Variants in EXOSC6 observed in about 807,000 individuals in gnomAD.
EXOSC6 encodes the protein exosome component 6.
EXOSC6 carries 21 observed loss-of-function variants against 16.7 expected under a neutral mutation model. The ratio of observed to expected loss-of-function variants is 1.26; its 90% CI spans 0.89 to 1.82. The LOEUF (loss-of-function observed/expected upper bound fraction) is 1.82, where lower values mean the gene tolerates loss of function less well. Ranked by LOEUF, EXOSC6 falls within the 40% of genes most tolerant of loss-of-function variation. The pLI is 0.00. For synonymous variants in EXOSC6, 297 were observed against 217.1 expected (o/e 1.37, Z -3.24); for missense variants, 538 against 415.7 (o/e 1.29, Z -2.56).
rs1462692624 is a variant in EXOSC6 at position 70,250,115 on chromosome 16, G to A, written c.*967C>T. The A allele has an allele frequency of 2.1e-5, 3 of 140,700 alleles. No homozygotes were observed. Among genetic ancestry groups the A allele is most frequent in the African/African-American group, 7.3e-5 (3 of 41,144 alleles). The allele number at this position is 140,700 out of a possible 1,614,324, so 8.7% of individuals were successfully genotyped here. On this transcript the variant is annotated 3_prime_UTR_variant, in exon 1 of 1. Coordinates refer to ENST00000435634, the MANE Select transcript of EXOSC6 (RefSeq NM_058219.3). ...AGAACCAAATAAAAGCCTTCCACTA[G>A]AAACTAAAAATAATAATAATAATAA...
In EXOSC6 at chr16:70,246,931, T is replaced by TCA. The variant is rs1030754738; in HGVS notation, c.*4149_*4150dup. The stretch of plus-strand genomic sequence containing the variant: ...GTTTTCCATCTGATTCCTCAGTTCC[T>TCA]CACACACACAACCATCCCCCTCACC... On this transcript the variant is annotated 3_prime_UTR_variant, in exon 1 of 1. Transcript: ENST00000435634. 9 of 563,070 alleles carry TCA rather than the reference T, an allele frequency of 1.6e-5. No homozygotes were observed. The highest frequency in any genetic ancestry group is 2.7e-5 in the Non-Finnish European group (8 of 293,780). The allele number at this position is 563,070 out of a possible 1,614,324, so 34.9% of individuals were successfully genotyped here. A position where few individuals can be genotyped will look rare whatever the true frequency, so the allele number is the denominator to read the frequency against.
chr16:70,251,704 A>C lies in EXOSC6; in HGVS notation c.197T>G (p.Val66Gly). ...EAGGTKVLCA[V>G]SGPRQAEGGE... ...GCCCTCGGCCTGTCGCGGGCCCGAC[A>C]CGGCACACAGCACCTTGGTGCCTCC... is the stretch of plus-strand genomic sequence containing the variant. Residue 66 changes from valine (V) to glycine (G), a missense_variant, in exon 1 of 1, where the codon GTG (valine) becomes GGG (glycine). By Grantham distance (109) the Val-to-Gly change is moderately radical. Coordinates refer to ENST00000435634, the MANE Select transcript of EXOSC6 (RefSeq NM_058219.3). The C allele has an allele frequency of 2.3e-6, 3 of 1,320,590 alleles. No individual in the cohort carries two copies. Among genetic ancestry groups the C allele is most frequent in the Non-Finnish European group, 2.9e-6 (3 of 1,040,240 alleles). The allele number at this position is 1,320,590 out of a possible 1,614,324, so 81.8% of individuals were successfully genotyped here.
chr16:70,251,916 G>A lies in EXOSC6; in HGVS notation c.-16C>T. 6.7e-7 allele frequency: 1 copy of A among 1,498,106 alleles called. No homozygotes were observed. Among genetic ancestry groups the A allele is most frequent in the Non-Finnish European group, 8.8e-7 (1 of 1,134,532 alleles). 92.8% of individuals were successfully genotyped at this position (1,498,106 alleles called of 1,614,324 possible). ...CCCCAGGCATGGCGGTTCTTGGCGT[G>A]CGAACCCCTTCCGCCCAACGCCCTG... On this transcript the variant is annotated 5_prime_UTR_variant, in exon 1 of 1. Coordinates refer to ENST00000435634, the MANE Select transcript of EXOSC6 (RefSeq NM_058219.3).
Position 70,250,466 on chromosome 16 carries a change from C to G in EXOSC6, c.*616G>C, listed in dbSNP as rs991590045. On this transcript the variant is annotated 3_prime_UTR_variant, in exon 1 of 1. Transcript: ENST00000435634. ...GGTGGATCACCTGAGGTCAGGCATT[C>G]GAGAACAGCCTGGCCCACATGGCGA... 1 of 149,324 alleles carries G rather than the reference C, an allele frequency of 6.7e-6. No homozygotes were observed. Among genetic ancestry groups the G allele is most frequent in the African/African-American group, 2.5e-5 (1 of 40,416 alleles). The allele number at this position is 149,324 out of a possible 1,614,324, so 9.2% of individuals were successfully genotyped here.
rs1371412230 is a variant in EXOSC6, at chr16:70,251,250, A to C, written c.651T>G (p.Pro217=). 1 of 1,482,978 alleles carries C rather than the reference A, an allele frequency of 6.7e-7. No individual in the cohort carries two copies. 91.9% of individuals were successfully genotyped at this position (1,482,978 alleles called of 1,614,324 possible). The change falls in exon 1 of 1, where the codon CCT becomes CCG. Residue 217 remains proline, a synonymous_variant. Coordinates refer to ENST00000435634, the MANE Select transcript of EXOSC6 (RefSeq NM_058219.3). ...AAAGLTVALM[P]VLNQVAGLLG... is the part of the protein sequence containing the mutation. ...GCAGCCCGGCCACCTGATTCAGCAC[A>C]GGCATGAGCGCCACGGTGAGGCCGG...
In EXOSC6 at chr16:70,251,868, A is replaced by G. The variant is rs569157236; in HGVS notation, c.33T>C (p.Pro11=). The G allele has an allele frequency of 3.9e-6, 6 of 1,550,680 alleles. No individual in the cohort carries two copies. The highest frequency in any genetic ancestry group is 3.7e-5 in the Admixed American group (2 of 54,340). ...ACAGCTGCGGCGGCTGCGATTCTTC[A>G]GGGCCGCGGATGCGGCGGTGATCCC... The part of the protein sequence containing the change: MPGDHRRIRG[P]EESQPPQLYA... The change falls in exon 1 of 1, where the codon CCT becomes CCC. Residue 11 remains proline, a synonymous_variant. Transcript: ENST00000435634.
In EXOSC6 at chr16:70,250,996, A is replaced by C; in HGVS notation, c.*86T>G. The C allele has an allele frequency of 2.1e-6, 3 of 1,405,880 alleles. No homozygotes were observed. Among genetic ancestry groups the C allele is most frequent in the Middle Eastern group, 2.7e-4 (1 of 3,700 alleles). The allele number at this position is 1,405,880 out of a possible 1,614,324, so 87.1% of individuals were successfully genotyped here. On this transcript the variant is annotated 3_prime_UTR_variant, in exon 1 of 1. Transcript: ENST00000435634. ...GGGCCCTTCCAGGAATTCTCGACGC[A>C]AACTGGAGGCCGATGGCGCGGGTCT...
rs969186074 is a variant in EXOSC6 at position 70,247,937 on chromosome 16, C to T, written c.*3145G>A. Reference sequence around the variant, plus strand: ...GAGCACAGTGGCACCTGCCTGTAATCCCAGCTACTCAGGAGGGTGAAGCAT... The same window carrying T: ...GAGCACAGTGGCACCTGCCTGTAATTCCAGCTACTCAGGAGGGTGAAGCAT... On this transcript the variant is annotated 3_prime_UTR_variant, in exon 1 of 1. Transcript: ENST00000435634. The T allele has an allele frequency of 6.6e-6, 1 of 152,174 alleles. No homozygotes were observed. Among genetic ancestry groups the T allele is most frequent in the African/African-American group, 2.4e-5 (1 of 41,412 alleles). The allele number at this position is 152,174 out of a possible 1,614,324, so 9.4% of individuals were successfully genotyped here. A position where few individuals can be genotyped will look rare whatever the true frequency, so the allele number is the denominator to read the frequency against.
Position 70,251,203 on chromosome 16 carries a change from AGGCCGCCCTCGCCGCTGCCCAGCAGCCC to A in EXOSC6, c.670_697del (p.Gly224Ter), listed in dbSNP as rs1406531742. On this transcript the variant is annotated frameshift_variant, in exon 1 of 1. Coordinates refer to ENST00000435634, the MANE Select transcript of EXOSC6 (RefSeq NM_058219.3). LOFTEE classifies it high-confidence loss of function. ...TACGGCCTCCGCCCAGCTCTCTGTC[AGGCCGCCCTCGCCGCTGCCCAGCAGCCC>A]GGCCACCTGATTCAGCACAGGCATG... 6.6e-7 allele frequency: 1 copy of A among 1,512,260 alleles called. No individual in the cohort carries two copies. Among genetic ancestry groups the A allele is most frequent in the Admixed American group, 2.0e-5 (1 of 48,906 alleles). 93.7% of individuals were successfully genotyped at this position (1,512,260 alleles called of 1,614,324 possible).
At position 70,251,841 on chromosome 16, in the gene EXOSC6, G is replaced by A. The variant is rs1235892572; in HGVS notation, c.60C>T (p.Tyr20=). Residue 20 remains tyrosine (Y), a synonymous_variant, in exon 1 of 1, where the codon TAC becomes TAT. Transcript: ENST00000435634. ...CGGGCGCCTCCTCCTCGTCGGCCGCGTACAGCTGCGGCGGCTGCGATTCTT... is the reference window on the plus strand; with the variant it reads ...CGGGCGCCTCCTCCTCGTCGGCCGCATACAGCTGCGGCGGCTGCGATTCTT... ...GPEESQPPQL[Y]AADEEEAPGT... is the part of the protein sequence containing the mutation. 32 of 1,552,446 alleles carry A rather than the reference G, an allele frequency of 2.1e-5. No individual in the cohort carries two copies. The highest frequency in any genetic ancestry group is 2.8e-5 in the Non-Finnish European group (32 of 1,159,812).
rs1959822701 is a variant in EXOSC6, at chr16:70,251,577, G to A, written c.324C>T (p.Arg108=). Reference sequence around the variant, plus strand: ...AGCCGCCCGGGGGAGCGCGGCGCCGGCGGCCCGCGAAGGGTGCGCGGCGGA... The same window carrying A: ...AGCCGCCCGGGGGAGCGCGGCGCCGACGGCCCGCGAAGGGTGCGCGGCGGA... The part of the protein sequence containing the change: ...CDFRRAPFAG[R]RRRAPPGGCE... The change falls in exon 1 of 1, where the codon CGC becomes CGT. Residue 108 remains arginine (R), a synonymous_variant. Transcript: ENST00000435634. The A allele has an allele frequency of 8.2e-6, 9 of 1,099,914 alleles. No individual in the cohort carries two copies. The highest frequency in any genetic ancestry group is 4.3e-5 in the South Asian group (1 of 23,446). The allele number at this position is 1,099,914 out of a possible 1,614,324, so 68.1% of individuals were successfully genotyped here.
Position 70,248,114 on chromosome 16 carries a change from G to A in EXOSC6, c.*2968C>T, listed in dbSNP as rs1286834798. On this transcript the variant is annotated 3_prime_UTR_variant, in exon 1 of 1. Coordinates refer to ENST00000435634, the MANE Select transcript of EXOSC6 (RefSeq NM_058219.3). Reference sequence around the variant, plus strand: ...AATAGCCAATGTTATAATCTACACAGGCACAGACTATCAATGCTAAAAATC... The same window carrying A: ...AATAGCCAATGTTATAATCTACACAAGCACAGACTATCAATGCTAAAAATC... The A allele has an allele frequency of 6.6e-6, 1 of 152,050 alleles. No homozygotes were observed. Among genetic ancestry groups the A allele is most frequent in the African/African-American group, 2.4e-5 (1 of 41,392 alleles). 9.4% of individuals were successfully genotyped at this position (152,050 alleles called of 1,614,324 possible).
Position 70,251,110 on chromosome 16 carries a change from C to T in EXOSC6, c.791G>A (p.Arg264His), listed in dbSNP as rs1405623949. Reference sequence around the variant, plus strand: ...GGGCTGGGCGGCGGCGCCCCTGCGGCGGGCGGCCCGCACCAGGCTCTGCTG... The same window carrying T: ...GGGCTGGGCGGCGGCGCCCCTGCGGTGGGCGGCCCGCACCAGGCTCTGCTG... Reference protein sequence around the residue: ...VLQQSLVRAARRRGAAAQP With the variant: ...VLQQSLVRAAHRRGAAAQP The change falls in exon 1 of 1, where the codon CGC (arginine) becomes CAC (histidine). Residue 264 changes from arginine (R) to histidine (H), a missense_variant. Arg to His is a conservative substitution (Grantham distance 29). Transcript: ENST00000435634. The T allele has an allele frequency of 1.3e-6, 2 of 1,499,834 alleles. No individual in the cohort carries two copies. The highest frequency in any genetic ancestry group is 2.2e-5 in the Admixed American group (1 of 44,718). 92.9% of individuals were successfully genotyped at this position (1,499,834 alleles called of 1,614,324 possible).
rs1414161108 is a variant in EXOSC6, at chr16:70,251,320, G to C, written c.581C>G (p.Thr194Ser). The C allele has an allele frequency of 2.9e-6, 4 of 1,387,032 alleles. No homozygotes were observed. Among genetic ancestry groups the C allele is most frequent in the East Asian group, 3.1e-5 (1 of 32,584 alleles). 85.9% of individuals were successfully genotyped at this position (1,387,032 alleles called of 1,614,324 possible). ...GAGCCGCGTGGGGTCCAGGAGCCAG[G>C]TGGGCGCGGGCCCCGGCGCGAGGCT... ...GLSLAPGPAP[T>S]WLLDPTRLEE... The change falls in exon 1 of 1, where the codon ACC becomes AGC. Residue 194 changes from threonine (T) to serine (S), a missense_variant. By Grantham distance (58) the Thr-to-Ser change is moderately conservative (BLOSUM62 1). Coordinates refer to ENST00000435634, the MANE Select transcript of EXOSC6 (RefSeq NM_058219.3).
rs1185917975 is a variant in EXOSC6, at chr16:70,247,610, A to G, written c.*3472T>C. ...GCAGGCTCAGGTTACCATTATACAT[A>G]AATTTTTAAAATAAATATATGGCAA... On this transcript the variant is annotated 3_prime_UTR_variant, in exon 1 of 1. Transcript: ENST00000435634. 6.6e-6 allele frequency: 1 copy of G among 152,200 alleles called. No homozygotes were observed. The highest frequency in any genetic ancestry group is 6.5e-5 in the Admixed American group (1 of 15,276). The allele number at this position is 152,200 out of a possible 1,614,324, so 9.4% of individuals were successfully genotyped here.
At position 70,248,738 on chromosome 16, in the gene EXOSC6, G is replaced by C. The variant is rs1959741291; in HGVS notation, c.*2344C>G. On this transcript the variant is annotated 3_prime_UTR_variant, in exon 1 of 1. Transcript: ENST00000435634. Reference sequence around the variant, plus strand: ...AGCCTTCAAGTAGCTGGGACTACAGGTGCATACCACCATGCCTGACTTATT... The same window carrying C: ...AGCCTTCAAGTAGCTGGGACTACAGCTGCATACCACCATGCCTGACTTATT... The C allele has an allele frequency of 6.6e-6, 1 of 150,548 alleles. No individual in the cohort carries two copies. Among genetic ancestry groups the C allele is most frequent in the Non-Finnish European group, 1.5e-5 (1 of 67,856 alleles). 9.3% of individuals were successfully genotyped at this position (150,548 alleles called of 1,614,324 possible).
rs1959825514 is a variant in EXOSC6 at position 70,251,641 on chromosome 16, TCGCCGCCTGCTCCGGCCGGGC to T, written c.239_259del (p.Gly80_Gly86del). 1 of 1,140,564 alleles carries T rather than the reference TCGCCGCCTGCTCCGGCCGGGC, an allele frequency of 8.8e-7. No individual in the cohort carries two copies. The highest frequency in any genetic ancestry group is 3.7e-4 in the Middle Eastern group (1 of 2,712). The allele number at this position is 1,140,564 out of a possible 1,614,324, so 70.7% of individuals were successfully genotyped here. On this transcript the variant is annotated inframe_deletion, in exon 1 of 1. Coordinates refer to ENST00000435634, the MANE Select transcript of EXOSC6 (RefSeq NM_058219.3). ...GCGACCGCGCAGCGCGGCCGGGGCC[TCGCCGCCTGCTCCGGCCGGGC>T]CGCCGCCGCGCTCGCCGCCCTCGGC... is the stretch of plus-strand genomic sequence containing the variant.
chr16:70,250,717 G>C lies in EXOSC6; in HGVS notation c.*365C>G, dbSNP rs1056372102. 1 of 240,074 alleles carries C rather than the reference G, an allele frequency of 4.2e-6. No homozygotes were observed. Among genetic ancestry groups the C allele is most frequent in the Non-Finnish European group, 7.9e-6 (1 of 126,620 alleles). 14.9% of individuals were successfully genotyped at this position (240,074 alleles called of 1,614,324 possible). A position where few individuals can be genotyped will look rare whatever the true frequency, so the allele number is the denominator to read the frequency against. On this transcript the variant is annotated 3_prime_UTR_variant, in exon 1 of 1. Coordinates refer to ENST00000435634, the MANE Select transcript of EXOSC6 (RefSeq NM_058219.3). ...AGAAAGAAGAAAAGAAAATTAGCCA[G>C]GTGTGGTTGCATGCACCTGTAGTCC...
chr16:70,247,936 T>C lies in EXOSC6; in HGVS notation c.*3146A>G, dbSNP rs1959725187. On this transcript the variant is annotated 3_prime_UTR_variant, in exon 1 of 1. Transcript: ENST00000435634. ...AGAGCACAGTGGCACCTGCCTGTAA[T>C]CCCAGCTACTCAGGAGGGTGAAGCA... is the stretch of plus-strand genomic sequence containing the variant. 1 of 152,130 alleles carries C rather than the reference T, an allele frequency of 6.6e-6. No homozygotes were observed. The highest frequency in any genetic ancestry group is 2.4e-5 in the African/African-American group (1 of 41,378). The allele number at this position is 152,130 out of a possible 1,614,324, so 9.4% of individuals were successfully genotyped here. A position where few individuals can be genotyped will look rare whatever the true frequency, so the allele number is the denominator to read the frequency against.
Sources: gnomAD v4.1 joint callset for allele counts on GRCh38, gnomAD v4.1.1 for gene constraint, MANE v1.5 for transcripts, NCBI Gene and HGNC (gene_info 2026-07-23, HGNC 2026-07-21) for gene names.